Variants in SNX29 observed in about 807,000 individuals in gnomAD.
The protein encoded by SNX29 is sorting nexin-29.
In SNX29, 78 loss-of-function variants were observed where a neutral mutation model predicts 102.1. The ratio of observed to expected loss-of-function variants is 0.76; its 90% CI spans 0.64 to 0.92. The LOEUF is 0.92. SNX29 is among the 40% of genes least tolerant of loss of function. SNX29 has a pLI of 0.00. For missense variants in SNX29, 1,280 were observed against 1,061.7 expected (o/e 1.21, Z -2.86); for synonymous variants, 580 against 414.5 (o/e 1.40, Z -4.85).
chr16:12,150,705 C>T (rs1053661500), intron 13 of SNX29, among the ~76,000 whole-genome samples: 2 of 152,186 alleles, frequency 1.3e-5, no homozygotes, highest in African/African-American at 2.4e-5. Flanking sequence ...GTCACAGTAT[C>T]GGGAGGCCCC....
chr16:12,148,356 A>G (rs1367708746), intron 13 of SNX29, among the ~76,000 whole-genome samples: 3 of 152,198 alleles, frequency 2.0e-5, no homozygotes, highest in Non-Finnish European at 2.9e-5. Flanking sequence ...GTTTCTGGTA[A>G]TGTGAGCTAA....
chr16:12,256,752 C>T (rs180994831), intron 14 of SNX29, among the ~76,000 whole-genome samples: 3 of 152,120 alleles, frequency 2.0e-5, no homozygotes, highest in East Asian at 1.9e-4. Flanking sequence ...TTCCTGGGTA[C>T]GTGGGATTTC....
intron 1 of SNX29, among the ~76,000 whole-genome samples, chr16:11,983,019 C>T (rs1358882710): frequency 6.6e-6 from 1 of 152,070 alleles, no homozygotes; most frequent in African/African-American, 2.4e-5. Context: ...CAACCTCTGC[C>T]TCCTGGGCTC....
At chr16:12,182,467 G>C (rs2076409378) in intron 13 of SNX29, among the ~76,000 whole-genome samples, 1 of 152,106 alleles carries the variant, frequency 6.6e-6, no homozygotes, top group Non-Finnish European at 1.5e-5. Flanking sequence ...GCTAACGCTT[G>C]CTCATTCAGA....
At chr16:12,331,681 AG>A (rs1238013468) in intron 15 of SNX29, among the ~76,000 whole-genome samples, 3 of 152,034 alleles carry the variant, frequency 2.0e-5, no homozygotes, top group Non-Finnish European at 4.4e-5. Flanking sequence ...TCTCTGAAGT[AG>A]CTGGGACTAC....
At chr16:12,420,017 C>G (rs1034250033) in intron 18 of SNX29, among the ~76,000 whole-genome samples, 3 of 152,206 alleles carry the variant, frequency 2.0e-5, no homozygotes, top group African/African-American at 7.2e-5. Flanking sequence ...TGTGCATCTC[C>G]ACACCAGGGT....
intron 1 of SNX29, among the ~76,000 whole-genome samples, chr16:11,991,566 G>A (rs1468475209): frequency 6.6e-6 from 1 of 151,600 alleles, no homozygotes; most frequent in African/African-American, 2.4e-5. Context: ...ATTTTGAGAT[G>A]GAGTCTCACT....
rs970712521 is a variant in SNX29 at position 12,568,452 on chromosome 16, G to C, written c.2319-54G>C. ...CACCTGGCTCCCCTTCCTGGCCTGT[G>C]GTCATTTGCTTTTCATCCCCAGACT... On this transcript the variant is annotated intron_variant, in intron 20 of 20. Transcript: ENST00000566228. 6 of 1,599,516 alleles carry C rather than the reference G, an allele frequency of 3.8e-6. No homozygotes were observed. In the East Asian group the frequency reaches 1.1e-4, roughly 30 times the overall value.
chr16:12,199,480 A>G (rs372765014), intron 13 of SNX29, 121 bp from the exon 14 acceptor site: 1 of 736,290 alleles, frequency 1.4e-6, no homozygotes, highest in Non-Finnish European at 2.3e-6. Context: ...ATATATTAAC[A>G]TTTATAAGAT....
chr16:12,380,921 A>ACCAT (rs1238802778), intron 16 of SNX29, among the ~76,000 whole-genome samples: 1 of 81,800 alleles, frequency 1.2e-5, no homozygotes, highest in African/African-American at 5.4e-5. Flanking sequence ...CCATCCACCC[A>ACCAT]CCATCCATCC....
chr16:12,285,374 T>C (rs944486163), intron 15 of SNX29, among the ~76,000 whole-genome samples: 1 of 152,214 alleles, frequency 6.6e-6, no homozygotes, highest in Non-Finnish European at 1.5e-5. Flanking sequence ...AGGGCTCAGC[T>C]AGCTGATGAT....
At chr16:12,543,285 C>T (rs1294290081) in intron 20 of SNX29, among the ~76,000 whole-genome samples, 1 of 152,158 alleles carries the variant, frequency 6.6e-6, no homozygotes, top group Non-Finnish European at 1.5e-5. Flanking sequence ...GCATCTGGGT[C>T]CGTGCCTGTG....
In SNX29 at chr16:12,186,638, T is replaced by G. The variant is rs2076517715; in HGVS notation, c.1596-12963T>G. On this transcript the variant is annotated intron_variant, in intron 13 of 20. Transcript: ENST00000566228. ...GACTGAGTTGGGATCCAGTCCAGGA[T>G]CAGGCATTGCACTGAAGGGTCCTGT... 2.0e-5 allele frequency among the ~76,000 whole-genome samples: 3 copies of G among 152,204 alleles called. No individual in the cohort carries two copies. The South Asian group carries it at 6.2e-4, about 32-fold the overall frequency.
At chr16:12,393,384 TCATTCATTCATGCATGCATGCATGCATG>T (rs1014537274) in intron 16 of SNX29, among the ~76,000 whole-genome samples, 282 of 134,232 alleles carry the variant, frequency 2.1e-3, no homozygotes, top group East Asian at 6.4e-3. Flanking sequence ...ATCTTATGAT[TCATTCATTCATGCATGCATGCATGCATG>T]CATTCATTCA....
At chr16:12,284,950 T>A (rs553829322) in intron 15 of SNX29, among the ~76,000 whole-genome samples, 6 of 152,132 alleles carry the variant, frequency 3.9e-5, no homozygotes, top group Admixed American at 2.0e-4. Flanking sequence ...GGTCTCGAAC[T>A]CCTGACCTCA....
At chr16:12,304,445 T>A (rs956302747) in intron 15 of SNX29, among the ~76,000 whole-genome samples, 11 of 152,214 alleles carry the variant, frequency 7.2e-5, no homozygotes, top group African/African-American at 2.7e-4. Context: ...CTGTTCAGAT[T>A]TAAAACAGAC....
intron 14 of SNX29, among the ~76,000 whole-genome samples, chr16:12,222,263 G>A (rs563420674): frequency 3.3e-5 from 5 of 152,286 alleles, no homozygotes; most frequent in African/African-American, 1.2e-4. Flanking sequence ...GGTGAGGGTG[G>A]GTTGAGGGGG....
intron 18 of SNX29, among the ~76,000 whole-genome samples, chr16:12,468,169 CTTT>C (rs59089512): frequency 0.068 from 6,289 of 92,348 alleles, 508 homozygotes; most frequent in African/African-American, 0.17. Flanking sequence ...ACTCTGACTC[CTTT>C]TTTTTTTTTT....
At chr16:12,322,851 G>GGGACCACTGTCAGGATGCGGTCACTGGA (rs2080987354) in intron 15 of SNX29, among the ~76,000 whole-genome samples, 5 of 49,930 alleles carry the variant, frequency 1.0e-4, no homozygotes, top group African/African-American at 2.9e-4. Flanking sequence ...CGGTCACTAG[G>GGGACCACTGTCAGGATGCGGTCACTGGA]GGACCACTGT....
Sources: gnomAD v4.1 joint callset for allele counts (sites outside exome capture counted in the v4.1 genomes callset) on GRCh38, gnomAD v4.1.1 for gene constraint, MANE v1.5 for transcripts, NCBI Gene and HGNC (gene_info 2026-07-23, HGNC 2026-07-21) for gene names.